Variants in PLBD2 observed in about 807,000 individuals in gnomAD.
The protein encoded by PLBD2 is putative aminopeptidase PLBD2.
A neutral mutation model predicts 68.3 loss-of-function variants in PLBD2; 51 were observed. That is an observed-to-expected ratio of 0.75 (90% confidence interval 0.60 to 0.94). The LOEUF (loss-of-function observed/expected upper bound fraction) is 0.94, where lower values mean the gene tolerates loss of function less well. Among genes scored for constraint, PLBD2 ranks in the 40% least tolerant of loss-of-function variants. PLBD2 has a pLI of 0.00. For synonymous variants in PLBD2, 314 were observed against 339.3 expected (o/e 0.93, Z 0.82); for missense variants, 729 against 792.2 (o/e 0.92, Z 0.96).
chr12:113,388,156 A>G (rs1023970621), intron 11 of PLBD2, among the ~76,000 whole-genome samples: 2 of 152,186 alleles, frequency 1.3e-5, no homozygotes, highest in Non-Finnish European at 2.9e-5. Context: ...AGCCTGGCCA[A>G]CATGGTGAAA....
intron 5 of PLBD2, among the ~76,000 whole-genome samples, chr12:113,378,339 G>A (rs1957452318): frequency 6.6e-6 from 1 of 152,016 alleles, no homozygotes; most frequent in Non-Finnish European, 1.5e-5. Flanking sequence ...ATGGAATGGG[G>A]TGCTATACCC....
rs1433117209 is a variant in PLBD2, at chr12:113,374,464, C to A, written c.544-10C>A. The A allele has an allele frequency of 6.3e-7, 1 of 1,576,318 alleles. No individual in the cohort carries two copies. On this transcript the variant is annotated splice_polypyrimidine_tract_variant and intron_variant, in intron 3 of 11. Transcript: ENST00000280800. ...CCTCACCCTCCCTCTGCCCCCGCCCCCTCCCCTAGGTGCGGCTGACCCTCC... is the reference window on the plus strand; with the variant it reads ...CCTCACCCTCCCTCTGCCCCCGCCCACTCCCCTAGGTGCGGCTGACCCTCC...
In PLBD2 at chr12:113,374,506, G is replaced by A; in HGVS notation, c.576G>A (p.Leu192=). 6.2e-7 allele frequency: 1 copy of A among 1,605,786 alleles called. No homozygotes were observed. The highest frequency in any genetic ancestry group is 8.5e-7 in the Non-Finnish European group (1 of 1,176,864). Residue 192 remains leucine (L), a synonymous_variant, in exon 4 of 12, where the codon CTG becomes CTA. Coordinates refer to ENST00000280800, the MANE Select transcript of PLBD2 (RefSeq NM_173542.4). ...TGACCCTCCTGCAGCTGAAAGGCCT[G>A]GAGGACAGCTACGAAGGCCGTGTGA... ...VRLTLLQLKG[L]EDSYEGRVSF...
intron 1 of PLBD2, among the ~76,000 whole-genome samples, chr12:113,361,577 G>T (rs1957297825): frequency 1.3e-5 from 2 of 151,812 alleles, no homozygotes; most frequent in Admixed American, 1.3e-4. Context: ...GAACTCCTGG[G>T]CTCAAGTGAT....
At chr12:113,380,327 G>A (rs996414563) in intron 5 of PLBD2, among the ~76,000 whole-genome samples, 1 of 151,984 alleles carries the variant, frequency 6.6e-6, no homozygotes, top group African/African-American at 2.4e-5. Context: ...TAGTAGAGAC[G>A]GGTTTCACCG....
chr12:113,382,835 T>TTTTTGTGTGTGTGTG (rs1335785271), intron 6 of PLBD2, among the ~76,000 whole-genome samples: 1 of 106,536 alleles, frequency 9.4e-6, no homozygotes, highest in African/African-American at 3.8e-5. Context: ...TGGTGGTTTT[T>TTTTTGTGTGTGTGTG]TGTGTGTGTG....
intron 6 of PLBD2, 83 bp downstream of exon 6, chr12:113,380,925 C>A: frequency 7.7e-7 from 1 of 1,304,640 alleles, no homozygotes; most frequent in Non-Finnish European, 1.1e-6. Context: ...ATTCCTGCGG[C>A]AAGTGGGGAC....
chr12:113,362,421 C>T (rs1197554740), intron 1 of PLBD2, among the ~76,000 whole-genome samples: 2 of 151,832 alleles, frequency 1.3e-5, no homozygotes, highest in East Asian at 1.9e-4. Flanking sequence ...TACTAGACTG[C>T]GGAAGTGGGG....
At chr12:113,366,929 C>G (rs907195191) in intron 1 of PLBD2, among the ~76,000 whole-genome samples, 1 of 152,152 alleles carries the variant, frequency 6.6e-6, no homozygotes, top group African/African-American at 2.4e-5. Flanking sequence ...AAGCGATTCT[C>G]CTGCCTCAGG....
chr12:113,365,079 G>A (rs895590684), intron 1 of PLBD2, among the ~76,000 whole-genome samples: 4 of 152,060 alleles, frequency 2.6e-5, no homozygotes, highest in Non-Finnish European at 5.9e-5. Flanking sequence ...TAATTAGCCC[G>A]AAGTTCATGG....
At chr12:113,369,913 T>C (rs1332752379) in intron 2 of PLBD2, among the ~76,000 whole-genome samples, 3 of 151,976 alleles carry the variant, frequency 2.0e-5, no homozygotes, top group Non-Finnish European at 4.4e-5. Context: ...ACTTTTTTTT[T>C]TTTTGAGACA....
intron 6 of PLBD2, among the ~76,000 whole-genome samples, chr12:113,382,447 A>ATT (rs111407528): frequency 1.1e-4 from 17 of 148,468 alleles, no homozygotes; most frequent in Admixed American, 4.1e-4. Flanking sequence ...AAATTTCAGG[A>ATT]TTTTTTTTTT....
intron 5 of PLBD2, among the ~76,000 whole-genome samples, chr12:113,376,451 A>G (rs1410581268): frequency 6.6e-6 from 1 of 152,164 alleles, no homozygotes; most frequent in Non-Finnish European, 1.5e-5. Flanking sequence ...GGTGTGAGCC[A>G]CCGCACCTGG....
chr12:113,374,204 A>G (rs1375461943), intron 3 of PLBD2, among the ~76,000 whole-genome samples: 1 of 152,132 alleles, frequency 6.6e-6, no homozygotes, highest in African/African-American at 2.4e-5. Context: ...GTCCTAGAAG[A>G]GATGGCTTTT....
intron 1 of PLBD2, among the ~76,000 whole-genome samples, chr12:113,361,386 C>A (rs374579856): frequency 7.3e-6 from 1 of 136,180 alleles, no homozygotes; most frequent in East Asian, 2.2e-4. Flanking sequence ...GTTATCCAGG[C>A]TCGAGTGCAG....
At chr12:113,380,974 G>T in intron 6 of PLBD2, 132 bp downstream of exon 6, 1 of 818,520 alleles carries the variant, frequency 1.2e-6, no homozygotes, top group South Asian at 1.6e-5. Context: ...GTAGGAGCCA[G>T]GGGTGCAGTG....
At chr12:113,375,068 G>A (rs1957427985) in intron 5 of PLBD2, 61 bp downstream of exon 5, 1 of 1,493,852 alleles carries the variant, frequency 6.7e-7, no homozygotes, top group Non-Finnish European at 9.3e-7. Context: ...CGTGGGGAGT[G>A]GTCCTAGGAG....
At chr12:113,383,938 G>A (rs1377855184) in intron 6 of PLBD2, among the ~76,000 whole-genome samples, 167 bp from the exon 7 acceptor site, 1 of 148,612 alleles carries the variant, frequency 6.7e-6, no homozygotes, top group African/African-American at 2.5e-5. Context: ...GGCGGAGGTT[G>A]TAGTGGGCTG....
rs1957532573 is a variant in PLBD2 at position 113,384,752 on chromosome 12, A to G, written c.1119-99A>G. On this transcript the variant is annotated intron_variant, in intron 7 of 11. Coordinates refer to ENST00000280800, the MANE Select transcript of PLBD2 (RefSeq NM_173542.4). This position sits in a 1 kb window ranked among gnomAD's most constrained non-coding sequence, Gnocchi z 4.2. ...TGAATGGCTGGACAACCCCAGGCCC[A>G]CTTCCTGTAATTCCTAGCTGAGTGG... 1.0e-6 allele frequency: 1 copy of G among 974,564 alleles called. No homozygotes were observed. The highest frequency in any genetic ancestry group is 2.0e-5 in the Admixed American group (1 of 49,272). 60.4% of individuals were successfully genotyped at this position (974,564 alleles called of 1,614,324 possible).
Sources: gnomAD v4.1 joint callset for allele counts (sites outside exome capture counted in the v4.1 genomes callset) on GRCh38, gnomAD v4.1.1 for gene constraint, Gnocchi (gnomAD v3.1) non-coding constraint, MANE v1.5 for transcripts, NCBI Gene and HGNC (gene_info 2026-07-23, HGNC 2026-07-21) for gene names.